The following ITFG1 variants were observed in gnomAD, a reference collection of about 807,000 sequenced individuals.
ITFG1 encodes integrin alpha FG-GAP repeat containing 1.
A neutral mutation model predicts 81.8 loss-of-function variants in ITFG1; 34 were observed. The observed-to-expected ratio is 0.42, with a 90% CI of 0.32 to 0.55. ITFG1 has a LOEUF of 0.55. Ranked by LOEUF, ITFG1 falls within the 20% of genes least tolerant of loss-of-function variation. The pLI is 0.17. For synonymous variants in ITFG1, 285 were observed against 270.6 expected (o/e 1.05, Z -0.52); for missense variants, 672 against 755.4 (o/e 0.89, Z 1.29).
chr16:47,249,343 C>T (rs1202802975), intron 12 of ITFG1, among the ~76,000 whole-genome samples: 1 of 152,110 alleles, frequency 6.6e-6, no homozygotes, highest in Admixed American at 6.5e-5. Context: ...TGCTTGAACA[C>T]AGGAGGCAGA....
At chr16:47,440,855 A>G (rs1438678058) in intron 5 of ITFG1, among the ~76,000 whole-genome samples, 3 of 152,184 alleles carry the variant, frequency 2.0e-5, no homozygotes, top group Non-Finnish European at 4.4e-5. Flanking sequence ...ACTGAAGGAG[A>G]CAGAGACACA....
intron 8 of ITFG1, among the ~76,000 whole-genome samples, chr16:47,347,498 G>A (rs1379109369): frequency 6.6e-6 from 1 of 152,250 alleles, no homozygotes; most frequent in African/African-American, 2.4e-5. Context: ...GGCTGCGGGA[G>A]GGGCGCCCAC....
At chr16:47,328,056 G>A (rs1286254733) in intron 8 of ITFG1, among the ~76,000 whole-genome samples, 1 of 152,160 alleles carries the variant, frequency 6.6e-6, no homozygotes, top group Non-Finnish European at 1.5e-5. Context: ...GAATAGCAAA[G>A]ACTTGGAACC....
intron 12 of ITFG1, among the ~76,000 whole-genome samples, chr16:47,248,680 T>C (rs538646700): frequency 1.1e-4 from 17 of 152,208 alleles, no homozygotes; most frequent in Non-Finnish European, 2.4e-4. Flanking sequence ...ACAAACACTA[T>C]TAAATGTGCC....
At chr16:47,299,343 T>A (rs370931919) in intron 10 of ITFG1, 2 of 152,582 alleles carry the variant, frequency 1.3e-5, no homozygotes, top group Non-Finnish European at 2.9e-5. Context: ...CTTTGTTAAC[T>A]TGGTGATGTA....
intron 6 of ITFG1, among the ~76,000 whole-genome samples, chr16:47,381,388 T>C (rs1968394148): frequency 6.6e-6 from 1 of 152,230 alleles, no homozygotes; most frequent in Admixed American, 6.5e-5. Context: ...CTATTCATAA[T>C]ATTATTTTGA....
chr16:47,448,574 C>T (rs990753268), intron 5 of ITFG1: 6 of 149,278 alleles, frequency 4.0e-5, no homozygotes, highest in East Asian at 3.9e-4. Context: ...TGACCCAGAA[C>T]GTATTTGAAC....
At chr16:47,355,968 T>C (rs1302211432) in intron 8 of ITFG1, among the ~76,000 whole-genome samples, 2 of 152,208 alleles carry the variant, frequency 1.3e-5, no homozygotes, top group Non-Finnish European at 2.9e-5. Context: ...GCATATATAC[T>C]AGTAGGTCAC....
intron 10 of ITFG1, among the ~76,000 whole-genome samples, chr16:47,272,709 A>G (rs1567442470): frequency 6.6e-6 from 1 of 152,016 alleles, no homozygotes; most frequent in Non-Finnish European, 1.5e-5. Flanking sequence ...ATACACTTTT[A>G]AAAGCCACTA....
At chr16:47,448,149 T>C (rs1969345360) in intron 5 of ITFG1, 1 of 152,204 alleles carries the variant, frequency 6.6e-6, no homozygotes, top group African/African-American at 2.4e-5. Context: ...ATAATTTTCA[T>C]ATTCTTACTA....
intron 6 of ITFG1, among the ~76,000 whole-genome samples, chr16:47,415,379 A>C (rs1326378391): frequency 6.6e-6 from 1 of 152,214 alleles, no homozygotes; most frequent in Non-Finnish European, 1.5e-5. Context: ...GGATTATCGA[A>C]GAAAGTGAGA....
intron 8 of ITFG1, among the ~76,000 whole-genome samples, chr16:47,353,782 C>T (rs1290951698): frequency 6.6e-6 from 1 of 151,686 alleles, no homozygotes; most frequent in African/African-American, 2.4e-5. Flanking sequence ...AGAAAAAAAT[C>T]CCACTTACAA....
chr16:47,423,975 G>T (rs188415467), intron 6 of ITFG1, among the ~76,000 whole-genome samples: 112 of 152,288 alleles, frequency 7.4e-4, no homozygotes, highest in African/African-American at 2.3e-3. Context: ...ATGTTGGCCT[G>T]CCTTGCTAGG....
chr16:47,392,141 C>T (rs577874641), intron 6 of ITFG1, among the ~76,000 whole-genome samples: 27 of 152,192 alleles, frequency 1.8e-4, no homozygotes, highest in Admixed American at 1.6e-3. Flanking sequence ...AGGCTGGGTG[C>T]GGTGGCTAAT....
intron 14 of ITFG1, among the ~76,000 whole-genome samples, chr16:47,165,484 T>C (rs1964877497): frequency 6.6e-6 from 1 of 152,266 alleles, no homozygotes; most frequent in South Asian, 2.1e-4. Context: ...TGTTTAAAAG[T>C]AGAGTATCTC....
At chr16:47,426,429 T>C (rs1969021979) in intron 6 of ITFG1, 1 of 151,330 alleles carries the variant, frequency 6.6e-6, no homozygotes, top group Admixed American at 6.6e-5. Flanking sequence ...CCTATAAGTA[T>C]AGAATGTTCT....
intron 13 of ITFG1, among the ~76,000 whole-genome samples, chr16:47,229,502 C>A (rs559668804): frequency 3.7e-4 from 56 of 151,848 alleles, no homozygotes; most frequent in African/African-American, 1.3e-3. Context: ...AGATTTAGAT[C>A]ATCTCTCAAG....
At chr16:47,320,407 T>A (rs1289469802) in intron 8 of ITFG1, among the ~76,000 whole-genome samples, 1 of 152,180 alleles carries the variant, frequency 6.6e-6, no homozygotes, top group East Asian at 1.9e-4. Flanking sequence ...CCACACCCTG[T>A]TTTGTTCTAG....
At chr16:47,302,559 T>C (rs753325058) in intron 10 of ITFG1, among the ~76,000 whole-genome samples, 9 of 152,172 alleles carry the variant, frequency 5.9e-5, no homozygotes, top group Non-Finnish European at 1.2e-4. Context: ...TCCAAGATCT[T>C]AATGCTGCAA....
Sources: gnomAD v4.1 joint callset for allele counts (sites outside exome capture counted in the v4.1 genomes callset) on GRCh38, gnomAD v4.1.1 for gene constraint, MANE v1.5 for transcripts, NCBI Gene and HGNC (gene_info 2026-07-23, HGNC 2026-07-21) for gene names.